ROBO2: variants seen among roughly 807,000 people sequenced by gnomAD.
ROBO2 encodes roundabout homolog 2.
In ROBO2, 53 loss-of-function variants were observed where a neutral mutation model predicts 160.8. The observed-to-expected ratio is 0.33, with a 90% CI of 0.26 to 0.41. The LOEUF (loss-of-function observed/expected upper bound fraction) is 0.41. Ranked by LOEUF, ROBO2 falls within the 10% of genes least tolerant of loss-of-function variation. The probability of loss-of-function intolerance (pLI) is 1.00; values close to 1 mark genes in which losing one functional copy is unlikely to be tolerated. For synonymous variants in ROBO2, 664 were observed against 611.7 expected, an observed-to-expected ratio of 1.09 and a Z score of -1.26; for missense variants, 1,577 against 1,722.4, an observed-to-expected ratio of 0.92 and a Z score of 1.49.
intron 2 of ROBO2, among the ~76,000 whole-genome samples, chr3:76,509,189 A>G (rs552818505): frequency 2.6e-4 from 40 of 152,320 alleles, no homozygotes; most frequent in African/African-American, 9.4e-4. Context: ...GGGTGGGGCC[A>G]AGGTGGTGCC....
intron 2 of ROBO2, among the ~76,000 whole-genome samples, chr3:76,150,296 C>A (rs1034325637): frequency 6.6e-6 from 1 of 151,150 alleles, no homozygotes; most frequent in Admixed American, 6.6e-5. Context: ...CTAAAACACA[C>A]ATCTGTCTAA....
chr3:75,987,956 A>G (rs615390), intron 2 of ROBO2, among the ~76,000 whole-genome samples: 117,441 of 151,884 alleles, frequency 0.77, 46,581 homozygotes, highest in East Asian at 0.97. Context: ...TTGCGTTGAT[A>G]TTCATAACAG....
At chr3:77,022,515 T>C (rs957380675) in intron 2 of ROBO2, among the ~76,000 whole-genome samples, 8 of 152,222 alleles carry the variant, frequency 5.3e-5, no homozygotes, top group Admixed American at 5.2e-4. Flanking sequence ...ATCGTATGCT[T>C]TCTGTCCAGT....
At chr3:76,069,525 GTT>G (rs35295337) in intron 2 of ROBO2, among the ~76,000 whole-genome samples, 19 of 148,232 alleles carry the variant, frequency 1.3e-4, no homozygotes, top group Admixed American at 3.3e-4. Flanking sequence ...CTTATTGCTA[GTT>G]TTTTTTTTTT....
intron 2 of ROBO2, among the ~76,000 whole-genome samples, chr3:76,120,169 T>A (rs1198009336): frequency 6.6e-6 from 1 of 151,886 alleles, no homozygotes; most frequent in Non-Finnish European, 1.5e-5. Flanking sequence ...GACTGGATAA[T>A]TTTTGTATTT....
At chr3:77,385,395 G>C (rs751632523) in intron 2 of ROBO2, among the ~76,000 whole-genome samples, 1 of 152,144 alleles carries the variant, frequency 6.6e-6, no homozygotes, top group Admixed American at 6.5e-5. Context: ...ATTTTAGTCA[G>C]TAATGTGCAG....
At chr3:76,082,115 T>C (rs912375331) in intron 2 of ROBO2, among the ~76,000 whole-genome samples, 1 of 152,080 alleles carries the variant, frequency 6.6e-6, no homozygotes. Flanking sequence ...CCCAAATAAA[T>C]GTCAATCACC....
intron 2 of ROBO2, among the ~76,000 whole-genome samples, chr3:77,177,575 G>A (rs935878529): frequency 6.6e-6 from 1 of 151,480 alleles, no homozygotes; most frequent in African/African-American, 2.4e-5. Context: ...TTTTTTATTT[G>A]TATTACCTTT....
At chr3:75,958,247 A>G (rs1022547052) in intron 2 of ROBO2, among the ~76,000 whole-genome samples, 3 of 151,806 alleles carry the variant, frequency 2.0e-5, no homozygotes, top group African/African-American at 4.8e-5. Context: ...ATTCACACAT[A>G]CAATATGCTC....
intron 2 of ROBO2, among the ~76,000 whole-genome samples, chr3:76,526,527 C>T (rs2081955180): frequency 6.6e-6 from 1 of 151,954 alleles, no homozygotes; most frequent in Non-Finnish European, 1.5e-5. Flanking sequence ...TTGAAGGTGA[C>T]AGAATTATCC....
intron 2 of ROBO2, among the ~76,000 whole-genome samples, chr3:76,479,410 C>T (rs1406494620): frequency 6.6e-6 from 1 of 152,164 alleles, no homozygotes; most frequent in Non-Finnish European, 1.5e-5. Context: ...ATATGAAAAT[C>T]TGCCTTTCCT....
intron 2 of ROBO2, among the ~76,000 whole-genome samples, chr3:76,280,513 T>C (rs961772480): frequency 6.6e-6 from 1 of 151,992 alleles, no homozygotes; most frequent in Admixed American, 6.6e-5. Flanking sequence ...GCTCCTAGAC[T>C]TTTTAGTCTC....
intron 2 of ROBO2, among the ~76,000 whole-genome samples, chr3:76,368,812 G>C (rs2075961720): frequency 6.6e-6 from 1 of 151,926 alleles, no homozygotes. Flanking sequence ...TGTATAGCAG[G>C]AATTCCAATT....
chr3:75,925,593 T>C (rs1441743008), intron 1 of ROBO2, among the ~76,000 whole-genome samples: 1 of 152,126 alleles, frequency 6.6e-6, no homozygotes, highest in Non-Finnish European at 1.5e-5. Context: ...GTCCAATACT[T>C]CCAGGGAGGG....
chr3:76,665,821 A>C (rs2091996038), intron 2 of ROBO2, among the ~76,000 whole-genome samples: 1 of 148,508 alleles, frequency 6.7e-6, no homozygotes, highest in African/African-American at 2.5e-5. Context: ...TTTAAAGCTA[A>C]CTATATTTCA....
At chr3:75,972,593 G>A (rs1478806064) in intron 2 of ROBO2, among the ~76,000 whole-genome samples, 1 of 151,644 alleles carries the variant, frequency 6.6e-6, no homozygotes, top group Non-Finnish European at 1.5e-5. Context: ...CAGAGACTTG[G>A]ATTTTGGAGA....
At chr3:75,950,823 G>A (rs1489213508) in intron 2 of ROBO2, among the ~76,000 whole-genome samples, 2 of 152,004 alleles carry the variant, frequency 1.3e-5, no homozygotes, top group Non-Finnish European at 2.9e-5. Context: ...GTATGTGTGA[G>A]TGCACCTGCA....
At chr3:77,623,989 G>A (rs2094953966) in intron 23 of ROBO2, among the ~76,000 whole-genome samples, 1 of 152,146 alleles carries the variant, frequency 6.6e-6, no homozygotes, top group South Asian at 2.1e-4. Flanking sequence ...TGATGTGACT[G>A]CAGCTCAAGC....
intron 2 of ROBO2, among the ~76,000 whole-genome samples, chr3:76,132,150 C>T (rs938290473): frequency 3.3e-5 from 5 of 151,984 alleles, no homozygotes; most frequent in African/African-American, 7.2e-5. Flanking sequence ...AAATAAAATC[C>T]GCACAGGGAA....
Sources: gnomAD v4.1 joint callset for allele counts (sites outside exome capture counted in the v4.1 genomes callset) on GRCh38, gnomAD v4.1.1 for gene constraint, MANE v1.5 for transcripts, NCBI Gene and HGNC (gene_info 2026-07-23, HGNC 2026-07-21) for gene names.